The following RBPMS variants were observed in gnomAD, a reference collection of about 807,000 sequenced individuals.
RBPMS encodes the protein RNA-binding protein with multiple splicing.
Under a neutral mutation model 26.8 loss-of-function variants are expected in RBPMS, and 7 were observed. The ratio of observed to expected loss-of-function variants is 0.26; its 90% CI spans 0.15 to 0.49. The LOEUF (loss-of-function observed/expected upper bound fraction) is 0.49. Among genes scored for constraint, RBPMS ranks in the 20% least tolerant of loss-of-function variants. The pLI, the probability that RBPMS is intolerant of heterozygous loss-of-function variation, is 0.98. For missense variants in RBPMS, 186 were observed against 250.0 expected, an observed-to-expected ratio of 0.74 and a Z score of 1.73; for synonymous variants, 96 against 93.3, an observed-to-expected ratio of 1.03 and a Z score of -0.17.
chr8:30,508,249 C>T (rs538618344), intron 5 of RBPMS, among the ~76,000 whole-genome samples: 1 of 152,296 alleles, frequency 6.6e-6, no homozygotes, highest in South Asian at 2.1e-4. Flanking sequence ...ACCAACCCTA[C>T]AGACACCTCT....
At chr8:30,508,474 T>C (rs1465807425) in intron 5 of RBPMS, among the ~76,000 whole-genome samples, 1 of 152,180 alleles carries the variant, frequency 6.6e-6, no homozygotes, top group Non-Finnish European at 1.5e-5. Flanking sequence ...CGGCAATAAT[T>C]AGGGCCACAG....
intron 4 of RBPMS, among the ~76,000 whole-genome samples, chr8:30,492,628 CT>C (rs1422958761): frequency 3.3e-5 from 5 of 152,004 alleles, no homozygotes; most frequent in African/African-American, 4.8e-5. Context: ...GAAAGTGATT[CT>C]CTCAATTTGC....
intron 5 of RBPMS, among the ~76,000 whole-genome samples, chr8:30,533,148 G>GT (rs1824410991): frequency 6.6e-6 from 1 of 152,128 alleles, no homozygotes; most frequent in South Asian, 2.1e-4. Context: ...TTTATTTTTT[G>GT]TAACTGGAGA....
At chr8:30,487,708 A>G (rs1818938894) in intron 4 of RBPMS, among the ~76,000 whole-genome samples, 1 of 152,114 alleles carries the variant, frequency 6.6e-6, no homozygotes, top group Admixed American at 6.5e-5. Context: ...AATAAATATG[A>G]GACTAGGAGG....
chr8:30,475,002 G>C (rs970119845), intron 2 of RBPMS, 146 bp downstream of exon 2: 1 of 617,044 alleles, frequency 1.6e-6, no homozygotes, highest in Non-Finnish European at 2.9e-6. Context: ...TAACAACTGA[G>C]TTCTAATGTA....
intron 5 of RBPMS, among the ~76,000 whole-genome samples, chr8:30,518,581 A>C (rs1822602101): frequency 6.8e-6 from 1 of 147,262 alleles, no homozygotes; most frequent in Admixed American, 6.9e-5. Flanking sequence ...GTGCGTCACC[A>C]CGCCCAGCTA....
chr8:30,493,830 C>G (rs1819648398), intron 4 of RBPMS, among the ~76,000 whole-genome samples: 1 of 152,180 alleles, frequency 6.6e-6, no homozygotes, highest in African/African-American at 2.4e-5. Context: ...GTCTCTGATT[C>G]TCTTGACATG....
At chr8:30,567,436 C>T (rs1057342921) in intron 8 of RBPMS, among the ~76,000 whole-genome samples, 1 of 152,220 alleles carries the variant, frequency 6.6e-6, no homozygotes. Context: ...GCTTTTTTCA[C>T]ATCACATAGG....
At chr8:30,431,504 G>T (rs1451450670) in intron 1 of RBPMS, among the ~76,000 whole-genome samples, 1 of 151,372 alleles carries the variant, frequency 6.6e-6, no homozygotes, top group Non-Finnish European at 1.5e-5. Flanking sequence ...GCCCAGACTG[G>T]AGTACAGTGG....
Position 30,559,058 on chromosome 8 carries a change from A to C in RBPMS, c.*7+102A>C. 3 of 869,362 alleles carry C rather than the reference A, an allele frequency of 3.5e-6. No homozygotes were observed. The South Asian group carries it at 4.1e-5, about 12-fold the overall frequency. 53.9% of individuals were successfully genotyped at this position (869,362 alleles called of 1,614,324 possible). A position where few individuals can be genotyped will look rare whatever the true frequency, so the allele number is the denominator to read the frequency against. ...GCTCTCCTCCTTTCTCTGCACCCAC[A>C]CCTTATGCACCTCCTTTGTCCATCT... On this transcript the variant is annotated intron_variant, in intron 7 of 8. Coordinates refer to ENST00000397323, the MANE Select transcript of RBPMS (RefSeq NM_001008710.3).
intron 4 of RBPMS, among the ~76,000 whole-genome samples, chr8:30,482,412 T>C (rs1056834843): frequency 2.0e-5 from 3 of 152,234 alleles, no homozygotes; most frequent in African/African-American, 2.4e-5. Context: ...GACTTCTCCA[T>C]GTTTAATTTC....
intron 1 of RBPMS, among the ~76,000 whole-genome samples, chr8:30,414,513 C>CCTTG (rs1809830535): frequency 6.6e-6 from 1 of 152,172 alleles, no homozygotes; most frequent in Non-Finnish European, 1.5e-5. Flanking sequence ...GGATCCCAGA[C>CCTTG]CTTGGCCAGG....
chr8:30,392,510 A>G (rs1189812229), intron 1 of RBPMS, among the ~76,000 whole-genome samples: 10 of 152,180 alleles, frequency 6.6e-5, no homozygotes, highest in Admixed American at 6.5e-4. Flanking sequence ...ATGGGGCACC[A>G]GGGTGGATGT....
chr8:30,561,048 G>A (rs1391873386), intron 7 of RBPMS, among the ~76,000 whole-genome samples: 1 of 152,146 alleles, frequency 6.6e-6, no homozygotes, highest in Non-Finnish European at 1.5e-5. Context: ...TTAAATGGTA[G>A]TGTTAGGAAA....
intron 5 of RBPMS, among the ~76,000 whole-genome samples, chr8:30,530,803 T>C (rs540230006): frequency 1.3e-5 from 2 of 152,302 alleles, no homozygotes; most frequent in Admixed American, 1.3e-4. Context: ...TTTTCAATTA[T>C]GACAACCTAT....
intron 5 of RBPMS, among the ~76,000 whole-genome samples, chr8:30,509,266 C>T (rs1271149664): frequency 3.3e-5 from 5 of 152,132 alleles, no homozygotes; most frequent in African/African-American, 1.2e-4. Flanking sequence ...CTTCCCTCCT[C>T]CCTTCCCTCT....
intron 1 of RBPMS, among the ~76,000 whole-genome samples, chr8:30,463,484 A>G (rs972447539): frequency 6.6e-6 from 1 of 152,256 alleles, no homozygotes; most frequent in Non-Finnish European, 1.5e-5. Flanking sequence ...TTATCACAAC[A>G]TGACAACTGG....
chr8:30,522,405 C>T (rs765881147), intron 5 of RBPMS, among the ~76,000 whole-genome samples: 4 of 151,944 alleles, frequency 2.6e-5, no homozygotes, highest in African/African-American at 4.8e-5. Flanking sequence ...CATTTGGAGA[C>T]GCCAAGGTGG....
chr8:30,507,133 G>A (rs1021993934), intron 5 of RBPMS, among the ~76,000 whole-genome samples: 1 of 152,198 alleles, frequency 6.6e-6, no homozygotes, highest in African/African-American at 2.4e-5. Flanking sequence ...TTGCAACTTA[G>A]CTGGGTAGAT....
Sources: gnomAD v4.1 joint callset for allele counts (sites outside exome capture counted in the v4.1 genomes callset) on GRCh38, gnomAD v4.1.1 for gene constraint, MANE v1.5 for transcripts, NCBI Gene and HGNC (gene_info 2026-07-23, HGNC 2026-07-21) for gene names.